The following BAHD1 variants were observed in gnomAD, a reference collection of about 807,000 sequenced individuals.
BAHD1 encodes bromo adjacent homology domain containing 1.
In BAHD1, 20 loss-of-function variants were observed where a neutral mutation model predicts 63.1. The observed-to-expected ratio is 0.32, with a 90% CI of 0.22 to 0.46. The LOEUF is 0.46. Among genes scored for constraint, BAHD1 ranks in the 20% least tolerant of loss-of-function variants. BAHD1 has a pLI of 1.00. For missense variants in BAHD1, 939 were observed against 1,071.8 expected (o/e 0.88, Z 1.73); for synonymous variants, 408 against 426.8 (o/e 0.96, Z 0.54).
In BAHD1 at chr15:40,464,010, C is replaced by T. The variant is rs140236027; in HGVS notation, c.1965C>T (p.Asn655=). 2.2e-3 allele frequency: 3,560 copies of T among 1,614,106 alleles called. 11 individuals are homozygous for T. Among genetic ancestry groups the T allele is most frequent in the Non-Finnish European group, 2.7e-3 (3,175 of 1,180,006 alleles). Residue 655 remains asparagine, a synonymous_variant, in exon 4 of 7, where the codon AAC becomes AAT. Coordinates refer to ENST00000416165, the MANE Select transcript of BAHD1 (RefSeq NM_014952.5). ...CCAAGATCTCTGCCCTCTGGGAGAA[C>T]CCCGAGTCAGGTACCTCTCCCTCTG... is the stretch of plus-strand genomic sequence containing the variant. ...YVAKISALWE[N]PESGELMMSL...
At chr15:40,465,247 G>C in intron 5 of BAHD1, 88 bp from the exon 6 acceptor site, 1 of 1,180,288 alleles carries the variant, frequency 8.5e-7, no homozygotes, top group Non-Finnish European at 1.3e-6. Context: ...CAGGTCAGCA[G>C]GCCCAGCAGA....
rs764104056 is a variant in BAHD1, at chr15:40,462,249, C to T, written c.1770C>T (p.Gly590=). Residue 590 remains glycine (G), a synonymous_variant, in exon 3 of 7, where the codon GGC becomes GGT. Transcript: ENST00000416165. The part of the protein sequence containing the change: ...PRRRRRRRTN[G]WVPVGAACEK... ...GCCGCCGTCGCCGCCGCACTAATGG[C>T]TGGGTACCTGTTGGGGCTGCGTGTG... The T allele has an allele frequency of 1.2e-6, 2 of 1,611,042 alleles. No individual in the cohort carries two copies.
chr15:40,465,894 C>T, intron 6 of BAHD1, 47 bp from the exon 7 acceptor site: 1 of 1,524,246 alleles, frequency 6.6e-7, no homozygotes, highest in Non-Finnish European at 8.8e-7. Context: ...ATTGGTCTTC[C>T]TGCAAAAGTG....
chr15:40,459,950 C>T, intron 2 of BAHD1, 54 bp downstream of exon 2: 2 of 1,513,264 alleles, frequency 1.3e-6, no homozygotes, highest in Middle Eastern at 2.2e-4. Flanking sequence ...CATGGCATCC[C>T]AGGAGGTTGG....
intron 1 of BAHD1, among the ~76,000 whole-genome samples, chr15:40,451,161 A>C (rs184289563): frequency 0.019 from 2,875 of 151,468 alleles, 111 homozygotes; most frequent in African/African-American, 0.067. Context: ...AAAAAAAAAA[A>C]AAAAAAAAAA....
In BAHD1 at chr15:40,465,352, G is replaced by A. The variant is rs769934743; in HGVS notation, c.2070G>A (p.Val690=). 12 of 1,614,150 alleles carry A rather than the reference G, an allele frequency of 7.4e-6. No individual in the cohort carries two copies. The highest frequency in any genetic ancestry group is 1.0e-5 in the Non-Finnish European group (12 of 1,180,006). ...CCTTTGAGCCCTTGCAGAATGAAGT[G>A]TTTGCATCGCGACATCAGGACCAGA... ...PSMHEPLQNE[V]FASRHQDQNS... The change falls in exon 6 of 7, where the codon GTG becomes GTA. Residue 690 remains valine (V), a synonymous_variant. Transcript: ENST00000416165.
chr15:40,449,292 G>A (rs1396841751), intron 1 of BAHD1, among the ~76,000 whole-genome samples: 1 of 152,176 alleles, frequency 6.6e-6, no homozygotes, highest in Non-Finnish European at 1.5e-5. Flanking sequence ...AGTCACCTCT[G>A]CAGTGAATCA....
chr15:40,461,864 A>G, intron 2 of BAHD1, 48 bp from the exon 3 acceptor site: 1 of 1,526,540 alleles, frequency 6.6e-7, no homozygotes, highest in Non-Finnish European at 8.8e-7. Context: ...CAGATGGGTG[A>G]TGGGGGTCAC....
chr15:40,441,703 G>C (rs1893406975), intron 1 of BAHD1, among the ~76,000 whole-genome samples: 1 of 148,362 alleles, frequency 6.7e-6, no homozygotes, highest in South Asian at 2.1e-4. Context: ...CTCCGAGTGC[G>C]CGGGCGGCGA....
chr15:40,448,376 T>C (rs919940381), intron 1 of BAHD1, among the ~76,000 whole-genome samples: 2 of 152,148 alleles, frequency 1.3e-5, no homozygotes, highest in Non-Finnish European at 2.9e-5. Context: ...GTAATGCCAA[T>C]AATTAAAGCA....
intron 1 of BAHD1, among the ~76,000 whole-genome samples, chr15:40,451,059 A>G (rs1163965540): frequency 6.9e-6 from 1 of 145,886 alleles, no homozygotes; most frequent in Non-Finnish European, 1.5e-5. Flanking sequence ...CAGGAGAATC[A>G]CTTGAACCCA....
At chr15:40,451,651 A>G (rs1346406155) in intron 1 of BAHD1, among the ~76,000 whole-genome samples, 2 of 151,902 alleles carry the variant, frequency 1.3e-5, no homozygotes, top group Admixed American at 6.5e-5. Context: ...ACACAGGATT[A>G]GCAGTGGCAT....
At position 40,462,314 on chromosome 15, in the gene BAHD1, T is replaced by C; in HGVS notation, c.1815+20T>C. 1 of 1,576,688 alleles carries C rather than the reference T, an allele frequency of 6.3e-7. No individual in the cohort carries two copies. The highest frequency in any genetic ancestry group is 8.6e-7 in the Non-Finnish European group (1 of 1,156,148). On this transcript the variant is annotated intron_variant, in intron 3 of 6. Coordinates refer to ENST00000416165, the MANE Select transcript of BAHD1 (RefSeq NM_014952.5). The stretch of plus-strand genomic sequence containing the variant: ...GTCTTGGTAAGTGCTAGCTCTTAGC[T>C]GATGACGAGAGGGAGGGAGGCAGTG...
chr15:40,451,323 T>C (rs1341809919), intron 1 of BAHD1, among the ~76,000 whole-genome samples: 1 of 152,240 alleles, frequency 6.6e-6, no homozygotes, highest in Non-Finnish European at 1.5e-5. Flanking sequence ...CTGGCTCATA[T>C]GTACCCTCTG....
Position 40,465,954 on chromosome 15 carries a change from G to T in BAHD1, c.2167G>T (p.Ala723Ser). Residue 723 changes from alanine to serine, a missense_variant, in exon 7 of 7, where the codon GCC (alanine) becomes TCC (serine). Physicochemically the swap from Ala to Ser is moderately conservative, Grantham distance 99. Transcript: ENST00000416165. ...ATCTCTCTACAGGTTCTGTGCCATG[G>T]CCAAGCGCCGAGGTGAAGGCCTCCC... Reference protein sequence around the residue: ...FAEYCRFCAMAKRRGEGLPSR... With the variant: ...FAEYCRFCAMSKRRGEGLPSR... 6.3e-7 allele frequency: 1 copy of T among 1,595,708 alleles called. No individual in the cohort carries two copies. Among genetic ancestry groups the T allele is most frequent in the Non-Finnish European group, 8.5e-7 (1 of 1,171,478 alleles).
chr15:40,448,117 C>T (rs1893597993), intron 1 of BAHD1, among the ~76,000 whole-genome samples: 1 of 152,000 alleles, frequency 6.6e-6, no homozygotes, highest in South Asian at 2.1e-4. Flanking sequence ...TGGTATGCGC[C>T]TGTAGTCCCA....
In BAHD1 at chr15:40,452,133, C is replaced by G. The variant is rs1893723310; in HGVS notation, c.-14-6318C>G. 5.9e-5 allele frequency among the ~76,000 whole-genome samples: 9 copies of G among 152,266 alleles called. No individual in the cohort carries two copies. The South Asian group carries it at 1.9e-3, about 31-fold the overall frequency. On this transcript the variant is annotated intron_variant, in intron 1 of 6. Coordinates refer to ENST00000416165, the MANE Select transcript of BAHD1 (RefSeq NM_014952.5). ...AAAGCAAGCCTGTGTCCAGATGGAT[C>G]AGGCCAATTCCTTTCAGCTGCACTT... is the stretch of plus-strand genomic sequence containing the variant.
intron 1 of BAHD1, chr15:40,454,255 C>T (rs1372731615): frequency 5.2e-5 from 8 of 152,436 alleles, no homozygotes; most frequent in African/African-American, 1.9e-4. Context: ...CTCCCTTGAA[C>T]CTTCAGCCCG....
At chr15:40,460,573 G>A (rs1462153539) in intron 2 of BAHD1, among the ~76,000 whole-genome samples, 1 of 152,188 alleles carries the variant, frequency 6.6e-6, no homozygotes, top group Non-Finnish European at 1.5e-5. Context: ...CTGCCTGCCT[G>A]ACAAGACCCA....
Sources: gnomAD v4.1 joint callset for allele counts (sites outside exome capture counted in the v4.1 genomes callset) on GRCh38, gnomAD v4.1.1 for gene constraint, MANE v1.5 for transcripts, NCBI Gene and HGNC (gene_info 2026-07-23, HGNC 2026-07-21) for gene names.